The following TTC7B variants were observed in gnomAD, a reference collection of about 807,000 sequenced individuals.
TTC7B encodes tetratricopeptide repeat protein 7B.
Under a neutral mutation model 106.8 loss-of-function variants are expected in TTC7B, and 28 were observed. The ratio of observed to expected loss-of-function variants is 0.26; its 90% confidence interval spans 0.19 to 0.36. TTC7B has a LOEUF of 0.36. Ranked by LOEUF, TTC7B falls within the 10% of genes least tolerant of loss-of-function variation. The probability of loss-of-function intolerance (pLI) is 1.00; values close to 1 mark genes in which losing one functional copy is unlikely to be tolerated. For missense variants in TTC7B, 862 were observed against 1,076.4 expected, an observed-to-expected ratio of 0.80 and a Z score of 2.79; for synonymous variants, 405 against 430.6, an observed-to-expected ratio of 0.94 and a Z score of 0.74.
At chr14:90,590,959 C>T (rs1891930697) in intron 18 of TTC7B, among the ~76,000 whole-genome samples, 2 of 152,174 alleles carry the variant, frequency 1.3e-5, no homozygotes, top group Admixed American at 1.3e-4. Flanking sequence ...AAAGCCACAC[C>T]CATTTGCTAG....
intron 1 of TTC7B, among the ~76,000 whole-genome samples, chr14:90,795,402 G>A (rs908519085): frequency 3.3e-5 from 5 of 152,228 alleles, no homozygotes; most frequent in African/African-American, 1.2e-4. Flanking sequence ...TCCCCCATGT[G>A]CCTATGCACT....
At chr14:90,700,372 C>G (rs936754937) in intron 5 of TTC7B, among the ~76,000 whole-genome samples, 1 of 152,228 alleles carries the variant, frequency 6.6e-6, no homozygotes, top group Non-Finnish European at 1.5e-5. Context: ...CACTTTATAC[C>G]TTTCCATACT....
chr14:90,581,096 C>T (rs1891469651), intron 18 of TTC7B, among the ~76,000 whole-genome samples: 1 of 152,198 alleles, frequency 6.6e-6, no homozygotes, highest in South Asian at 2.1e-4. Context: ...CCCAGATGCA[C>T]ACAGTGCCTT....
intron 16 of TTC7B, among the ~76,000 whole-genome samples, chr14:90,615,443 G>A (rs1172655393): frequency 6.6e-5 from 10 of 152,170 alleles, no homozygotes; most frequent in East Asian, 1.9e-4. Flanking sequence ...GACCAGCTCC[G>A]GGGAGAAGCC....
intron 15 of TTC7B, among the ~76,000 whole-genome samples, chr14:90,635,486 C>T (rs570364008): frequency 5.2e-4 from 79 of 152,072 alleles, no homozygotes; most frequent in African/African-American, 1.8e-3. Flanking sequence ...ATAGGCCGGG[C>T]GCAGTGGTTC....
At chr14:90,626,413 G>A (rs962737642) in intron 15 of TTC7B, among the ~76,000 whole-genome samples, 2 of 152,170 alleles carry the variant, frequency 1.3e-5, no homozygotes, top group African/African-American at 4.8e-5. Context: ...ACATTCTGAA[G>A]GTGCTCTAGC....
At position 90,780,772 on chromosome 14, in the gene TTC7B, C is replaced by G. The variant is rs753844719; in HGVS notation, c.411G>C (p.Arg137Ser). 1.6e-5 allele frequency: 26 copies of G among 1,614,266 alleles called. No homozygotes were observed. Among genetic ancestry groups the G allele is most frequent in the Non-Finnish European group, 2.2e-5 (26 of 1,180,044 alleles). Residue 137 changes from arginine (R) to serine (S), a missense_variant, in exon 3 of 20, where the codon AGG becomes AGC. Physicochemically the swap from Arg to Ser is moderately radical, Grantham distance 110. Coordinates refer to ENST00000328459, the MANE Select transcript of TTC7B (RefSeq NM_001010854.2). ...CGTAGGCTTCTGCGATCACCCGCAGCCTGTAGGGCGGGACAGCTGTCAGTG... is the reference window on the plus strand; with the variant it reads ...CGTAGGCTTCTGCGATCACCCGCAGGCTGTAGGGCGGGACAGCTGTCAGTG... The part of the protein sequence containing the change: ...DLPLTAVPPY[R>S]LRVIAEAYAT...
chr14:90,602,291 T>G (rs1215160975), intron 17 of TTC7B: 1 of 451,160 alleles, frequency 2.2e-6, no homozygotes, highest in Non-Finnish European at 4.5e-6. Context: ...ATGTGAACTA[T>G]GAAGCACTAG....
At chr14:90,665,976 C>T (rs575578037) in intron 9 of TTC7B, among the ~76,000 whole-genome samples, 9 of 152,262 alleles carry the variant, frequency 5.9e-5, no homozygotes, top group African/African-American at 1.9e-4. Flanking sequence ...CACCTTATAC[C>T]CACAGACTGA....
intron 15 of TTC7B, among the ~76,000 whole-genome samples, chr14:90,625,139 G>T (rs75429022): frequency 0.024 from 3,619 of 152,310 alleles, 45 homozygotes; most frequent in Middle Eastern, 0.048. Flanking sequence ...GGGCAAGTAT[G>T]TTGAAATTTT....
At chr14:90,777,360 C>T (rs1435658537) in intron 3 of TTC7B, among the ~76,000 whole-genome samples, 1 of 152,192 alleles carries the variant, frequency 6.6e-6, no homozygotes, top group Admixed American at 6.5e-5. Flanking sequence ...AACCTCACCT[C>T]CTCTCATTTC....
chr14:90,653,720 AG>A (rs1885829778), intron 12 of TTC7B, among the ~76,000 whole-genome samples: 2 of 152,228 alleles, frequency 1.3e-5, no homozygotes, highest in East Asian at 1.9e-4. Context: ...AAAGGCTGCC[AG>A]GGGGTCAATG....
chr14:90,717,133 A>G (rs1464257652), intron 5 of TTC7B, among the ~76,000 whole-genome samples: 2 of 152,160 alleles, frequency 1.3e-5, no homozygotes, highest in Non-Finnish European at 2.9e-5. Flanking sequence ...AGGTCAGGTG[A>G]TCGAGACCAT....
chr14:90,689,268 G>A (rs1387352342), intron 7 of TTC7B, among the ~76,000 whole-genome samples: 2 of 152,116 alleles, frequency 1.3e-5, no homozygotes, highest in Admixed American at 6.5e-5. Context: ...TAAATGGAAA[G>A]AAAATTCCAA....
At chr14:90,616,812 C>T (rs764951763) in intron 16 of TTC7B, among the ~76,000 whole-genome samples, 2 of 152,150 alleles carry the variant, frequency 1.3e-5, no homozygotes, top group African/African-American at 4.8e-5. Flanking sequence ...GCCCACTGCC[C>T]GCCTCACCCT....
In TTC7B at chr14:90,807,453, T is replaced by G. The variant is rs1470472790; in HGVS notation, c.121+8722A>C. 1.3e-5 allele frequency among the ~76,000 whole-genome samples: 2 copies of G among 152,058 alleles called. No individual in the cohort carries two copies. Among genetic ancestry groups the G allele is most frequent in the African/African-American group, 4.8e-5 (2 of 41,394 alleles). ...CCTGAGTCCCTAAACCACTAAGACCTCCTGAAGCAGAAGCTCAGGCCCAGC... is the reference window on the plus strand; with the variant it reads ...CCTGAGTCCCTAAACCACTAAGACCGCCTGAAGCAGAAGCTCAGGCCCAGC... On this transcript the variant is annotated intron_variant, in intron 1 of 19. Coordinates refer to ENST00000328459, the MANE Select transcript of TTC7B (RefSeq NM_001010854.2). This position sits in a 1 kb window ranked among gnomAD's most constrained non-coding sequence, Gnocchi z 4.1.
chr14:90,799,871 C>T (rs1435085141), intron 1 of TTC7B, among the ~76,000 whole-genome samples: 5 of 152,110 alleles, frequency 3.3e-5, no homozygotes, highest in Non-Finnish European at 7.4e-5. Flanking sequence ...GCTCTGTCGC[C>T]CAGGCTGGAG....
In TTC7B at chr14:90,711,407, T is replaced by C. The variant is rs181315645; in HGVS notation, c.699-15829A>G. On this transcript the variant is annotated intron_variant, in intron 5 of 19. Coordinates refer to ENST00000328459, the MANE Select transcript of TTC7B (RefSeq NM_001010854.2). ...TGTGATAGTTTAAAGATATATATTA[T>C]AATCCATAGAGAAAACAGAATTATT... is the stretch of plus-strand genomic sequence containing the variant. Among the ~76,000 whole-genome samples, 5 of 152,322 alleles carry C rather than the reference T, an allele frequency of 3.3e-5. No homozygotes were observed. The East Asian group carries it at 9.6e-4, about 29-fold the overall frequency.
At position 90,570,128 on chromosome 14, in the gene TTC7B, G is replaced by A. The variant is rs982080432; in HGVS notation, c.2310+7978C>T. Among the ~76,000 whole-genome samples, 1 of 152,212 alleles carries A rather than the reference G, an allele frequency of 6.6e-6. No individual in the cohort carries two copies. Among genetic ancestry groups the A allele is most frequent in the Non-Finnish European group, 1.5e-5 (1 of 68,038 alleles). ...TGCAGATCAGCCTGGGGACCCGGCT[G>A]TACCCAGCACACTGAGTGAGAGCCC... On this transcript the variant is annotated intron_variant, in intron 19 of 19. Coordinates refer to ENST00000328459, the MANE Select transcript of TTC7B (RefSeq NM_001010854.2). The surrounding 1 kb of genome is among the most constrained non-coding windows in gnomAD (Gnocchi z 4.0).
Sources: allele counts gnomAD v4.1 joint callset (sites outside exome capture counted in the v4.1 genomes callset), GRCh38; gene constraint gnomAD v4.1.1; non-coding constraint Gnocchi (gnomAD v3.1); transcripts MANE v1.5; gene names NCBI Gene and HGNC (gene_info 2026-07-23, HGNC 2026-07-21).